SERAC1: variants seen among roughly 807,000 people sequenced by gnomAD.
SERAC1 encodes the protein serine active site containing 1.
Under a neutral mutation model 85.7 loss-of-function variants are expected in SERAC1, and 36 were observed. The observed-to-expected ratio is 0.42, with a 90% confidence interval of 0.32 to 0.55. The LOEUF (loss-of-function observed/expected upper bound fraction) is 0.55, where lower values mean the gene tolerates loss of function less well. Among genes scored for constraint, SERAC1 ranks in the 20% least tolerant of loss-of-function variants. The pLI, the probability that SERAC1 is intolerant of heterozygous loss-of-function variation, is 0.11. For missense variants in SERAC1, 629 were observed against 796.2 expected (o/e 0.79, Z 2.53); for synonymous variants, 242 against 265.3 (o/e 0.91, Z 0.85).
At chr6:158,141,530 C>T (rs1784915218) in intron 8 of SERAC1, among the ~76,000 whole-genome samples, 1 of 152,224 alleles carries the variant, frequency 6.6e-6, no homozygotes, top group Non-Finnish European at 1.5e-5. Context: ...ACTTAGGTGT[C>T]TAGGAGCCCC....
intron 6 of SERAC1, chr6:158,146,232 T>C (rs1253691552): frequency 6.6e-6 from 1 of 152,266 alleles, no homozygotes; most frequent in Non-Finnish European, 1.5e-5. Flanking sequence ...CAAATATATA[T>C]ACCTCATTTT....
chr6:158,168,012 G>T (rs1400141956), intron 1 of SERAC1, 128 bp downstream of exon 1: 1 of 152,134 alleles, frequency 6.6e-6, no homozygotes, highest in African/African-American at 2.4e-5. Flanking sequence ...GGTCGGTCCG[G>T]TCCGCGCGCC....
chr6:158,159,914 T>C (rs1416994185), intron 1 of SERAC1, among the ~76,000 whole-genome samples: 2 of 152,204 alleles, frequency 1.3e-5, no homozygotes, highest in Non-Finnish European at 2.9e-5. Context: ...GCAAAGATTA[T>C]CTTATTCTGC....
intron 2 of SERAC1, among the ~76,000 whole-genome samples, chr6:158,156,811 T>G (rs1217778114): frequency 7.2e-6 from 1 of 138,184 alleles, no homozygotes; most frequent in East Asian, 2.0e-4. Context: ...GTATAATATA[T>G]TTATATAATA....
At chr6:158,130,542 T>C in intron 8 of SERAC1, 56 bp from the exon 9 acceptor site, 1 of 1,088,152 alleles carries the variant, frequency 9.2e-7, no homozygotes, top group Non-Finnish European at 1.3e-6. Flanking sequence ...TATTTTTGTT[T>C]GACAAAAAAA....
chr6:158,143,281 C>A, intron 7 of SERAC1, 97 bp from the exon 8 acceptor site: 3 of 1,345,066 alleles, frequency 2.2e-6, no homozygotes, highest in Non-Finnish European at 3.0e-6. Flanking sequence ...CCATATATAT[C>A]AAAGCCATAT....
chr6:158,167,020 G>A (rs778112099), intron 1 of SERAC1, among the ~76,000 whole-genome samples: 4 of 151,970 alleles, frequency 2.6e-5, no homozygotes, highest in Non-Finnish European at 5.9e-5. Context: ...TGGAACTGAT[G>A]AGATCAAGGA....
At chr6:158,136,595 A>G (rs533828455) in intron 8 of SERAC1, among the ~76,000 whole-genome samples, 1 of 152,096 alleles carries the variant, frequency 6.6e-6, no homozygotes, top group Non-Finnish European at 1.5e-5. Flanking sequence ...TCCTGGACTG[A>G]GGTATCCTCC....
rs1785659317 is a variant in SERAC1, at chr6:158,168,227, G to GGACCCTCCACCCGGCGGCTGGCGGCTCGT, written c.-118_-90dup. 2.6e-5 allele frequency: 4 copies of GGACCCTCCACCCGGCGGCTGGCGGCTCGT among 152,326 alleles called. No individual in the cohort carries two copies. In the South Asian group the frequency reaches 8.3e-4, roughly 32 times the overall value. 9.4% of individuals were successfully genotyped at this position (152,326 alleles called of 1,614,324 possible). On this transcript the variant is annotated 5_prime_UTR_variant, in exon 1 of 17. Transcript: ENST00000647468. ...CTACTCTTTCCGCGGCTCCCGGCCG[G>GGACCCTCCACCCGGCGGCTGGCGGCTCGT]GACCCTCCACCCGGCGGCTGGCGGC...
rs185980593 is a variant in SERAC1, at chr6:158,159,477, G to A, written c.-1-1113C>T. ...TTGCGCCACTGTACTCCAGCCTGTC[G>A]TCTCCAGCAAGAGTGAGACCCGGTT... On this transcript the variant is annotated intron_variant, in intron 1 of 16. Coordinates refer to ENST00000647468, the MANE Select transcript of SERAC1 (RefSeq NM_032861.4). 8.2e-4 allele frequency among the ~76,000 whole-genome samples: 118 copies of A among 144,074 alleles called. No individual in the cohort carries two copies. In the East Asian group the frequency reaches 0.015, roughly 19 times the overall value. 94.5% of individuals were successfully genotyped at this position (144,074 alleles called of 152,430 possible). A position where few individuals can be genotyped will look rare whatever the true frequency, so the allele number is the denominator to read the frequency against.
At chr6:158,147,634 G>A (rs1019834063) in intron 5 of SERAC1, among the ~76,000 whole-genome samples, 1 of 149,910 alleles carries the variant, frequency 6.7e-6, no homozygotes, top group African/African-American at 2.4e-5. Context: ...GCTGGGTGTG[G>A]TGGCGGGCGC....
rs1330558215 is a variant in SERAC1, at chr6:158,119,751, G to A, written c.1167-581C>T. On this transcript the variant is annotated intron_variant, in intron 11 of 16. Coordinates refer to ENST00000647468, the MANE Select transcript of SERAC1 (RefSeq NM_032861.4). The surrounding 1 kb of genome is among the most constrained non-coding windows in gnomAD (Gnocchi z 4.5). ...AACCATAATATTTTATTTACAAATT[G>A]TAATTAACCAGGTAATCCACTTTTT... Among the ~76,000 whole-genome samples the A allele has an allele frequency of 6.6e-6, 1 of 152,092 alleles. No individual in the cohort carries two copies. Among genetic ancestry groups the A allele is most frequent in the Non-Finnish European group, 1.5e-5 (1 of 68,006 alleles).
Position 158,111,441 on chromosome 6 carries a change from C to T in SERAC1, c.1890G>A (p.Lys630=), listed in dbSNP as rs143393289. ...DVNHLNICKP[K]KKDAFLYQRT... Reference sequence around the variant, plus strand: ...GCTGGTACAAAAAAGCATCCTTTTTCTTTGGCTTACAAATGTTCAAATGGT... The same window carrying T: ...GCTGGTACAAAAAAGCATCCTTTTTTTTTGGCTTACAAATGTTCAAATGGT... Residue 630 remains lysine, a synonymous_variant, in exon 17 of 17, where the codon AAG becomes AAA. Coordinates refer to ENST00000647468, the MANE Select transcript of SERAC1 (RefSeq NM_032861.4). The T allele has an allele frequency of 6.2e-7, 1 of 1,611,456 alleles. No individual in the cohort carries two copies. Among genetic ancestry groups the T allele is most frequent in the African/African-American group, 1.3e-5 (1 of 74,834 alleles).
At chr6:158,134,135 A>AT (rs2128417063) in intron 8 of SERAC1, among the ~76,000 whole-genome samples, 1 of 152,360 alleles carries the variant, frequency 6.6e-6, no homozygotes, top group Non-Finnish European at 1.5e-5. Flanking sequence ...CCTAGCAACA[A>AT]TGGTTTGAGA....
chr6:158,127,188 C>T (rs535995225), intron 10 of SERAC1, among the ~76,000 whole-genome samples: 1 of 152,196 alleles, frequency 6.6e-6, no homozygotes, highest in Admixed American at 6.5e-5. Flanking sequence ...ACCAAAATAA[C>T]ATGTTCTAAG....
chr6:158,122,639 G>C (rs1228361032), intron 10 of SERAC1, among the ~76,000 whole-genome samples: 1 of 152,122 alleles, frequency 6.6e-6, no homozygotes, highest in African/African-American at 2.4e-5. Flanking sequence ...AATTAGCCGG[G>C]TGTGGTGGTG....
At chr6:158,123,467 TAGG>T (rs1325452843) in intron 10 of SERAC1, among the ~76,000 whole-genome samples, 2 of 152,188 alleles carry the variant, frequency 1.3e-5, no homozygotes, top group Non-Finnish European at 2.9e-5. Context: ...CTCAGTAAAG[TAGG>T]AGGAGAAGTC....
At chr6:158,155,289 T>A (rs373477616) in intron 3 of SERAC1, 26 bp downstream of exon 3, 3 of 1,485,724 alleles carry the variant, frequency 2.0e-6, no homozygotes, top group Non-Finnish European at 2.8e-6. Flanking sequence ...ATGAAGCCAA[T>A]TAATATTCCA....
intron 5 of SERAC1, among the ~76,000 whole-genome samples, chr6:158,147,320 T>C (rs79986980): frequency 1.3e-5 from 2 of 151,868 alleles, no homozygotes; most frequent in Admixed American, 6.6e-5. Context: ...TTTTTTTTTT[T>C]CTAGAGACAG....
Sources: allele counts gnomAD v4.1 joint callset (sites outside exome capture counted in the v4.1 genomes callset), GRCh38; gene constraint gnomAD v4.1.1; non-coding constraint Gnocchi (gnomAD v3.1); transcripts MANE v1.5; gene names NCBI Gene and HGNC (gene_info 2026-07-23, HGNC 2026-07-21).